RANBP9: variants seen among roughly 807,000 people sequenced by gnomAD.
RANBP9 encodes the protein RAN binding protein 9, also known as ran-binding protein 9.
A neutral mutation model predicts 84.3 loss-of-function variants in RANBP9; 15 were observed. The observed-to-expected ratio is 0.18, with a 90% CI of 0.12 to 0.27. The LOEUF (loss-of-function observed/expected upper bound fraction) is 0.27. Ranked by LOEUF, RANBP9 falls within the 10% of genes least tolerant of loss-of-function variation. The pLI is 1.00. For missense variants in RANBP9, 809 were observed against 912.8 expected (o/e 0.89, Z 1.46); for synonymous variants, 392 against 349.6 (o/e 1.12, Z -1.35).
intron 2 of RANBP9, among the ~76,000 whole-genome samples, chr6:13,672,446 G>C (rs369775814): frequency 2.6e-5 from 4 of 152,070 alleles, no homozygotes; most frequent in South Asian, 4.1e-4. Flanking sequence ...AGTTTCTAAG[G>C]AAACTCAAAA....
intron 2 of RANBP9, among the ~76,000 whole-genome samples, chr6:13,680,188 T>C (rs1765998519): frequency 6.6e-6 from 1 of 152,012 alleles, no homozygotes; most frequent in Admixed American, 6.6e-5. Flanking sequence ...AGACCCAACA[T>C]ACATTCATAA....
chr6:13,692,894 C>A (rs1016353254), intron 2 of RANBP9, among the ~76,000 whole-genome samples: 2 of 152,156 alleles, frequency 1.3e-5, no homozygotes, highest in Non-Finnish European at 2.9e-5. Context: ...CAAGAACATA[C>A]AAGAAATAGT....
At chr6:13,667,991 T>A (rs1347947869) in intron 2 of RANBP9, among the ~76,000 whole-genome samples, 3 of 151,842 alleles carry the variant, frequency 2.0e-5, no homozygotes, top group African/African-American at 4.8e-5. Flanking sequence ...AAAGGAATTA[T>A]AAAGATTAGG....
intron 2 of RANBP9, among the ~76,000 whole-genome samples, chr6:13,673,143 C>A (rs1402273859): frequency 6.6e-6 from 1 of 151,814 alleles, no homozygotes; most frequent in Non-Finnish European, 1.5e-5. Flanking sequence ...TGAAAGAAAT[C>A]AGGAAAAAAC....
chr6:13,656,290 C>T (rs1765399515), intron 4 of RANBP9, among the ~76,000 whole-genome samples: 2 of 151,942 alleles, frequency 1.3e-5, no homozygotes, highest in African/African-American at 4.8e-5. Context: ...CATTTTACCT[C>T]ATTAAAAATA....
intron 9 of RANBP9, 28 bp from the exon 10 acceptor site, chr6:13,637,983 A>C: frequency 1.3e-6 from 2 of 1,563,424 alleles, no homozygotes; most frequent in Non-Finnish European, 1.7e-6. Context: ...ACGTAGAAAC[A>C]GAAACAAACA....
chr6:13,704,030 T>C lies in RANBP9; in HGVS notation c.571+6905A>G, dbSNP rs181339451. Among the ~76,000 whole-genome samples, 4 of 152,352 alleles carry C rather than the reference T, an allele frequency of 2.6e-5. No homozygotes were observed. In the East Asian group the frequency reaches 7.7e-4, roughly 29 times the overall value. On this transcript the variant is annotated intron_variant, in intron 1 of 13. Coordinates refer to ENST00000011619, the MANE Select transcript of RANBP9 (RefSeq NM_005493.3). ...AGAGTTGGAAACCCAAACATTTTCT[T>C]TGATTTCTCTCACTATCATTCCTCA... is the stretch of plus-strand genomic sequence containing the variant.
Position 13,641,188 on chromosome 6 carries a change from T to C in RANBP9, c.1334+11A>G, listed in dbSNP as rs778550688. ...ATATAACAAATATAGCATTTTATTA[T>C]GCAAACTCACTTTAATGTGAAAAGG... On this transcript the variant is annotated intron_variant, in intron 8 of 13. Coordinates refer to ENST00000011619, the MANE Select transcript of RANBP9 (RefSeq NM_005493.3). 7 of 1,436,666 alleles carry C rather than the reference T, an allele frequency of 4.9e-6. No homozygotes were observed. Among genetic ancestry groups the C allele is most frequent in the East Asian group, 2.4e-5 (1 of 42,422 alleles). 89.0% of individuals were successfully genotyped at this position (1,436,666 alleles called of 1,614,324 possible).
chr6:13,689,916 T>C (rs1333334257), intron 2 of RANBP9, among the ~76,000 whole-genome samples: 2 of 152,182 alleles, frequency 1.3e-5, no homozygotes, highest in East Asian at 1.9e-4. Context: ...CCAAACACCA[T>C]ATACCAACAG....
At chr6:13,677,197 T>C (rs1765905761) in intron 2 of RANBP9, among the ~76,000 whole-genome samples, 1 of 152,146 alleles carries the variant, frequency 6.6e-6, no homozygotes, top group Non-Finnish European at 1.5e-5. Flanking sequence ...CAGAAGTCAA[T>C]TTCCTACGCA....
chr6:13,710,830 A>C (rs904429088), intron 1 of RANBP9, 105 bp downstream of exon 1: 17 of 1,278,316 alleles, frequency 1.3e-5, no homozygotes, highest in Non-Finnish European at 1.8e-5. Flanking sequence ...CTCCGAGGGC[A>C]GAGCCCGCGA....
At chr6:13,686,915 G>C (rs530451419) in intron 2 of RANBP9, among the ~76,000 whole-genome samples, 72 of 152,156 alleles carry the variant, frequency 4.7e-4, no homozygotes, top group Admixed American at 7.9e-4. Flanking sequence ...TGGAGACTTA[G>C]CAGTCCTCCT....
Position 13,711,086 on chromosome 6 carries a change from C to G in RANBP9, c.420G>C (p.Leu140=), listed in dbSNP as rs1364233847. ...GCTGCAACTCCTTCTCCTGCTCGTT[C>G]AGGGCCGAGTCCCCGTGAGGGAAGG... ...AAPFPHGDSA[L]NEQEKELQRR... Residue 140 remains leucine (L), a synonymous_variant, in exon 1 of 14, where the codon CTG becomes CTC. Transcript: ENST00000011619. The G allele has an allele frequency of 3.8e-6, 6 of 1,574,972 alleles. No individual in the cohort carries two copies. Among genetic ancestry groups the G allele is most frequent in the Admixed American group, 3.6e-5 (2 of 55,068 alleles).
chr6:13,651,393 TG>T (rs1195899568), intron 5 of RANBP9, among the ~76,000 whole-genome samples: 2 of 83,480 alleles, frequency 2.4e-5, no homozygotes, highest in South Asian at 4.1e-4. Context: ...GTTGTTGTTT[TG>T]TTTTTTTGTT....
At chr6:13,632,963 C>T (rs948860452) in intron 11 of RANBP9, among the ~76,000 whole-genome samples, 1 of 151,110 alleles carries the variant, frequency 6.6e-6, no homozygotes, top group African/African-American at 2.4e-5. Context: ...AATAAAAATA[C>T]AGAAGACAGC....
chr6:13,706,628 G>C (rs1433770151), intron 1 of RANBP9, among the ~76,000 whole-genome samples: 1 of 151,602 alleles, frequency 6.6e-6, no homozygotes, highest in African/African-American at 2.4e-5. Context: ...GGGAGGCGGA[G>C]GTTGCAGTGA....
In RANBP9 at chr6:13,642,468, A is replaced by G; in HGVS notation, c.1225+11T>C. On this transcript the variant is annotated intron_variant, in intron 7 of 13. Coordinates refer to ENST00000011619, the MANE Select transcript of RANBP9 (RefSeq NM_005493.3). ...AAAACAAATGTTAGCCATGCACCAC[A>G]GTGTCCTTACTTTGTCTATTCTTAA... is the stretch of plus-strand genomic sequence containing the variant. 6.7e-7 allele frequency: 1 copy of G among 1,482,124 alleles called. No homozygotes were observed. Among genetic ancestry groups the G allele is most frequent in the Non-Finnish European group, 9.2e-7 (1 of 1,083,418 alleles). The allele number at this position is 1,482,124 out of a possible 1,614,324, so 91.8% of individuals were successfully genotyped here.
At chr6:13,679,902 C>A (rs1400295642) in intron 2 of RANBP9, among the ~76,000 whole-genome samples, 1 of 152,046 alleles carries the variant, frequency 6.6e-6, no homozygotes, top group Non-Finnish European at 1.5e-5. Context: ...CACAGGAAGT[C>A]TCCAATTTTT....
chr6:13,638,824 C>G (rs371076028), intron 9 of RANBP9, among the ~76,000 whole-genome samples: 1 of 150,858 alleles, frequency 6.6e-6, no homozygotes, highest in South Asian at 2.1e-4. Context: ...GCAGAGCTGA[C>G]TTTTGCAAGA....
Sources: gnomAD v4.1 joint callset for allele counts (sites outside exome capture counted in the v4.1 genomes callset) on GRCh38, gnomAD v4.1.1 for gene constraint, MANE v1.5 for transcripts, NCBI Gene and HGNC (gene_info 2026-07-23, HGNC 2026-07-21) for gene names.